The following UBE2U variants were observed in gnomAD, a reference collection of about 807,000 sequenced individuals.
The protein encoded by UBE2U is ubiquitin-conjugating enzyme E2 U.
Under a neutral mutation model 41.2 loss-of-function variants are expected in UBE2U, and 39 were observed. That is an observed-to-expected ratio of 0.95 (90% CI 0.73 to 1.24). The LOEUF (loss-of-function observed/expected upper bound fraction) is 1.24, where lower values mean the gene tolerates loss of function less well. Ranked by LOEUF, UBE2U falls within the 50% of genes most tolerant of loss-of-function variation. The pLI is 0.00. For synonymous variants in UBE2U, 107 were observed against 117.8 expected (o/e 0.91, Z 0.60); for missense variants, 336 against 363.1 (o/e 0.93, Z 0.61).
At chr1:64,234,368 A>G (rs1216517771) in intron 7 of UBE2U, among the ~76,000 whole-genome samples, 1 of 152,040 alleles carries the variant, frequency 6.6e-6, no homozygotes, top group Non-Finnish European at 1.5e-5. Context: ...AGCCTTGTTG[A>G]TTTTTATCTG....
At chr1:64,255,243 A>G (rs1468307636) in intron 8 of UBE2U, among the ~76,000 whole-genome samples, 1 of 152,232 alleles carries the variant, frequency 6.6e-6, no homozygotes, top group African/African-American at 2.4e-5. Flanking sequence ...CCCTGAATTG[A>G]CCAATAATGA....
At chr1:64,247,797 G>A (rs1297314057) in intron 8 of UBE2U, among the ~76,000 whole-genome samples, 3 of 151,488 alleles carry the variant, frequency 2.0e-5, no homozygotes, top group African/African-American at 7.3e-5. Context: ...CCAGTAGGTC[G>A]AGGCTGCAGT....
intron 8 of UBE2U, among the ~76,000 whole-genome samples, chr1:64,249,880 T>C (rs982659561): frequency 2.0e-5 from 3 of 152,044 alleles, no homozygotes; most frequent in Non-Finnish European, 2.9e-5. Context: ...TTTCCCAATT[T>C]GATGAAGTCT....
At chr1:64,215,161 G>A (rs972314328) in intron 5 of UBE2U, among the ~76,000 whole-genome samples, 4 of 152,050 alleles carry the variant, frequency 2.6e-5, no homozygotes, top group Admixed American at 2.0e-4. Flanking sequence ...AACCTGGGAG[G>A]CAGAAGTTGC....
chr1:64,208,995 G>T (rs1374102826), intron 3 of UBE2U, among the ~76,000 whole-genome samples: 1 of 152,176 alleles, frequency 6.6e-6, no homozygotes, highest in Admixed American at 6.5e-5. Context: ...GTGTTTGTGT[G>T]TATATTTGTA....
At chr1:64,216,915 C>T (rs1652061565) in intron 5 of UBE2U, among the ~76,000 whole-genome samples, 2 of 152,154 alleles carry the variant, frequency 1.3e-5, no homozygotes, top group Non-Finnish European at 2.9e-5. Flanking sequence ...GACTCACATA[C>T]CCCAGACTGC....
At chr1:64,246,361 A>G (rs1015037925) in intron 8 of UBE2U, among the ~76,000 whole-genome samples, 1 of 152,176 alleles carries the variant, frequency 6.6e-6, no homozygotes, top group Non-Finnish European at 1.5e-5. Flanking sequence ...TCCCCTTTAT[A>G]TGGAAAACGT....
At position 64,244,137 on chromosome 1, in the gene UBE2U, ATCTT is replaced by A. The variant is rs757925048; in HGVS notation, c.677+2410_677+2413del. ...CCCTCATTCAATTTGCAGATGAAAAATCTTTCTTTGGAAGCAGCATAGGGGAAGA... is the reference window on the plus strand; with the variant it reads ...CCCTCATTCAATTTGCAGATGAAAAATCTTTGGAAGCAGCATAGGGGAAGA... On this transcript the variant is annotated intron_variant, in intron 8 of 9. Transcript: ENST00000371077. The A allele has an allele frequency of 3.1e-6, 5 of 1,609,790 alleles. No homozygotes were observed. In the East Asian group the frequency reaches 8.9e-5, roughly 29 times the overall value.
At chr1:64,219,292 G>A (rs1221762526) in intron 5 of UBE2U, among the ~76,000 whole-genome samples, 1 of 151,856 alleles carries the variant, frequency 6.6e-6, no homozygotes, top group Non-Finnish European at 1.5e-5. Flanking sequence ...TCATTCCGAT[G>A]TCCAATTTTT....
At chr1:64,248,005 GC>G (rs1220942402) in intron 8 of UBE2U, among the ~76,000 whole-genome samples, 1 of 152,106 alleles carries the variant, frequency 6.6e-6, no homozygotes, top group East Asian at 1.9e-4. Context: ...CAGTCTTCCA[GC>G]CAGCAGAATT....
At chr1:64,264,322 C>A (rs745423678) in intron 9 of UBE2U, among the ~76,000 whole-genome samples, 20 of 152,218 alleles carry the variant, frequency 1.3e-4, no homozygotes, top group Non-Finnish European at 2.4e-4. Flanking sequence ...GCTTCCATAA[C>A]TTATTTTGTT....
intron 7 of UBE2U, among the ~76,000 whole-genome samples, chr1:64,239,170 AAGAAG>A (rs1644778214): frequency 1.1e-5 from 1 of 91,906 alleles, no homozygotes; most frequent in Non-Finnish European, 2.1e-5. Flanking sequence ...GAAGAAGAAG[AAGAAG>A]AAGAAGAAGA....
chr1:64,230,595 AT>A (rs968829822), intron 6 of UBE2U, among the ~76,000 whole-genome samples: 18 of 146,060 alleles, frequency 1.2e-4, no homozygotes, highest in East Asian at 6.1e-4. Context: ...GTGCCCCCTT[AT>A]TTTTTTTTTC....
At chr1:64,239,080 GGAA>G (rs1213860142) in intron 7 of UBE2U, among the ~76,000 whole-genome samples, 4 of 54,774 alleles carry the variant, frequency 7.3e-5, no homozygotes, top group Admixed American at 5.6e-4. Flanking sequence ...AAGAGGAAGA[GGAA>G]GAGGAAGAGG....
intron 7 of UBE2U, among the ~76,000 whole-genome samples, chr1:64,238,716 A>T (rs1557728730): frequency 6.6e-6 from 1 of 152,052 alleles, no homozygotes; most frequent in Admixed American, 6.6e-5. Context: ...AAATGTCATC[A>T]AGCTAAAAGG....
chr1:64,255,015 A>G (rs985680216), intron 8 of UBE2U, among the ~76,000 whole-genome samples: 2 of 152,086 alleles, frequency 1.3e-5, no homozygotes, highest in African/African-American at 4.8e-5. Context: ...AATAAAATAG[A>G]CCACTAGCTA....
chr1:64,238,707 A>G (rs965702922), intron 7 of UBE2U, among the ~76,000 whole-genome samples: 1 of 152,000 alleles, frequency 6.6e-6, no homozygotes, highest in Non-Finnish European at 1.5e-5. Flanking sequence ...ATCAATGGCA[A>G]ATGTCATCAA....
intron 4 of UBE2U, among the ~76,000 whole-genome samples, chr1:64,211,704 A>C (rs1651674992): frequency 6.6e-6 from 1 of 152,082 alleles, no homozygotes; most frequent in Non-Finnish European, 1.5e-5. Flanking sequence ...GCCTCCCAAA[A>C]TGCTGGAATT....
intron 5 of UBE2U, among the ~76,000 whole-genome samples, chr1:64,215,828 C>T (rs1651970897): frequency 6.6e-6 from 1 of 150,876 alleles, no homozygotes; most frequent in Non-Finnish European, 1.5e-5. Context: ...CGCTCTCTCT[C>T]TCTTTCTCTC....
Sources: gnomAD v4.1 joint callset for allele counts (sites outside exome capture counted in the v4.1 genomes callset) on GRCh38, gnomAD v4.1.1 for gene constraint, MANE v1.5 for transcripts, NCBI Gene and HGNC (gene_info 2026-07-23, HGNC 2026-07-21) for gene names.